BACH2: variants seen among roughly 807,000 people sequenced by gnomAD.
BACH2 encodes the protein BACH transcriptional regulator 2, also known as transcription regulator protein BACH2.
A neutral mutation model predicts 61.8 loss-of-function variants in BACH2; 5 were observed. The ratio of observed to expected loss-of-function variants is 0.08; its 90% confidence interval spans 0.04 to 0.17. The LOEUF is 0.17. Ranked by LOEUF, BACH2 falls within the 10% of genes least tolerant of loss-of-function variation. The pLI is 1.00. For missense variants in BACH2, 824 were observed against 1,091.1 expected (o/e 0.76, Z 3.45); for synonymous variants, 446 against 440.1 (o/e 1.01, Z -0.17).
At chr6:90,001,124 T>C (rs1308180821) in intron 6 of BACH2, 2 of 152,238 alleles carry the variant, frequency 1.3e-5, no homozygotes, top group Non-Finnish European at 2.9e-5. Flanking sequence ...ATTTGGTTAG[T>C]AGATCCCATC....
At position 90,021,494 on chromosome 6, in the gene BACH2, T is replaced by C. The variant is rs1395704024; in HGVS notation, c.-12-12638A>G. On this transcript the variant is annotated intron_variant, in intron 5 of 8. Coordinates refer to ENST00000257749, the MANE Select transcript of BACH2 (RefSeq NM_021813.4). ...CATTTCACTTGAAATTCAAACTACA[T>C]TTCTCCCAGAAACAGTGCATTAAGT... Among the ~76,000 whole-genome samples the C allele has an allele frequency of 2.0e-5, 3 of 152,278 alleles. No individual in the cohort carries two copies. In the East Asian group the frequency reaches 5.8e-4, roughly 29 times the overall value.
chr6:90,123,724 C>T (rs1209089155), intron 4 of BACH2, among the ~76,000 whole-genome samples: 1 of 143,100 alleles, frequency 7.0e-6, no homozygotes. Flanking sequence ...GAGCCGAGAT[C>T]CCGCCACTGC....
intron 4 of BACH2, among the ~76,000 whole-genome samples, chr6:90,177,517 G>C (rs762382375): frequency 3.3e-5 from 5 of 152,194 alleles, no homozygotes; most frequent in Admixed American, 6.5e-5. Flanking sequence ...CAGTTAGTAA[G>C]TGGTAGAATT....
At chr6:90,068,800 G>A (rs1410280852) in intron 5 of BACH2, among the ~76,000 whole-genome samples, 1 of 152,174 alleles carries the variant, frequency 6.6e-6, no homozygotes, top group African/African-American at 2.4e-5. Context: ...TGCACCTGGA[G>A]AGTGTGTGGC....
intron 4 of BACH2, among the ~76,000 whole-genome samples, chr6:90,121,776 C>T (rs1490550900): frequency 6.6e-6 from 1 of 152,148 alleles, no homozygotes; most frequent in East Asian, 1.9e-4. Context: ...GAACTCCTGA[C>T]CTCAGGTAAT....
At chr6:90,188,541 A>G (rs577428491) in intron 4 of BACH2, among the ~76,000 whole-genome samples, 1 of 152,276 alleles carries the variant, frequency 6.6e-6, no homozygotes, top group South Asian at 2.1e-4. Flanking sequence ...AAGAAAAAAA[A>G]TACATATACA....
At chr6:90,141,478 G>A (rs1000607373) in intron 4 of BACH2, among the ~76,000 whole-genome samples, 4 of 146,986 alleles carry the variant, frequency 2.7e-5, no homozygotes, top group South Asian at 2.2e-4. Flanking sequence ...ACCATACCCC[G>A]CCCCGATCCC....
At chr6:90,001,788 TC>T (rs1211346655) in intron 6 of BACH2, among the ~76,000 whole-genome samples, 4 of 152,178 alleles carry the variant, frequency 2.6e-5, no homozygotes, top group African/African-American at 9.7e-5. Context: ...AATTTAGTCT[TC>T]CTGTGTGTCT....
chr6:90,003,740 T>TA (rs1175229299), intron 6 of BACH2, among the ~76,000 whole-genome samples: 1 of 152,188 alleles, frequency 6.6e-6, no homozygotes, highest in Admixed American at 6.5e-5. Flanking sequence ...GATCCTAGTT[T>TA]AAAAAAATCT....
intron 4 of BACH2, among the ~76,000 whole-genome samples, chr6:90,093,822 C>T (rs1028865875): frequency 4.6e-5 from 7 of 152,166 alleles, no homozygotes; most frequent in African/African-American, 1.7e-4. Context: ...AGATTGATTT[C>T]CGAAGACCTC....
chr6:90,280,594 A>G (rs1771829738), intron 1 of BACH2, among the ~76,000 whole-genome samples: 1 of 152,208 alleles, frequency 6.6e-6, no homozygotes, highest in Non-Finnish European at 1.5e-5. Context: ...AGTGCCTCTC[A>G]AATTTTGATG....
At chr6:90,107,708 G>A (rs916731802) in intron 4 of BACH2, among the ~76,000 whole-genome samples, 2 of 150,074 alleles carry the variant, frequency 1.3e-5, no homozygotes, top group South Asian at 2.1e-4. Flanking sequence ...TACAACTGCA[G>A]GTCTTGGCAC....
At chr6:90,279,313 A>T (rs1771786274) in intron 1 of BACH2, among the ~76,000 whole-genome samples, 1 of 152,128 alleles carries the variant, frequency 6.6e-6, no homozygotes, top group Non-Finnish European at 1.5e-5. Flanking sequence ...ACCTGAGATC[A>T]GGAGTTTCAG....
intron 4 of BACH2, among the ~76,000 whole-genome samples, chr6:90,144,039 A>T (rs1346830108): frequency 6.6e-6 from 1 of 152,206 alleles, no homozygotes; most frequent in Non-Finnish European, 1.5e-5. Flanking sequence ...TGTCACACCA[A>T]GCACTTAATA....
intron 2 of BACH2, among the ~76,000 whole-genome samples, chr6:90,263,663 G>A (rs1029230291): frequency 1.3e-5 from 2 of 152,170 alleles, no homozygotes; most frequent in African/African-American, 4.8e-5. Context: ...GCAAAAGTCT[G>A]TGATGACATC....
At position 90,057,837 on chromosome 6, in the gene BACH2, C is replaced by T. The variant is rs538393071; in HGVS notation, c.-13+31124G>A. ...GGTTCAACATACACAAATCAGTAAA[C>T]GTAATCCAACATATAAACAGAACCA... On this transcript the variant is annotated intron_variant, in intron 5 of 8. Coordinates refer to ENST00000257749, the MANE Select transcript of BACH2 (RefSeq NM_021813.4). 1.1e-4 allele frequency among the ~76,000 whole-genome samples: 16 copies of T among 152,238 alleles called. 1 individual carries two copies. The South Asian group carries it at 1.7e-3, about 16-fold the overall frequency.
intron 5 of BACH2, among the ~76,000 whole-genome samples, chr6:90,030,616 A>C (rs965386506): frequency 2.0e-5 from 3 of 152,128 alleles, no homozygotes; most frequent in African/African-American, 7.2e-5. Flanking sequence ...GAAATGGATA[A>C]ATTCCTTGAC....
chr6:90,113,598 G>A (rs1458864513), intron 4 of BACH2, among the ~76,000 whole-genome samples: 1 of 151,484 alleles, frequency 6.6e-6, no homozygotes, highest in African/African-American at 2.4e-5. Context: ...GTGTTAAGAG[G>A]GAAATTCATA....
intron 4 of BACH2, among the ~76,000 whole-genome samples, chr6:90,118,941 T>C (rs736496): frequency 0.052 from 7,967 of 152,180 alleles, 217 homozygotes; most frequent in East Asian, 0.082. Flanking sequence ...ATGGAGATAA[T>C]AGTACTTACC....
Sources: allele counts gnomAD v4.1 joint callset (sites outside exome capture counted in the v4.1 genomes callset), GRCh38; gene constraint gnomAD v4.1.1; transcripts MANE v1.5; gene names NCBI Gene and HGNC (gene_info 2026-07-23, HGNC 2026-07-21).